Variants in METRNL observed in about 807,000 individuals in gnomAD.
METRNL encodes meteorin-like protein.
A neutral mutation model predicts 17.4 loss-of-function variants in METRNL; 9 were observed. The observed-to-expected ratio is 0.52, with a 90% CI of 0.31 to 0.90. METRNL has a LOEUF of 0.90. Ranked by LOEUF, METRNL falls within the 40% of genes least tolerant of loss-of-function variation. The pLI, the probability that METRNL is intolerant of heterozygous loss-of-function variation, is 0.05. For synonymous variants in METRNL, 215 were observed against 199.3 expected, an observed-to-expected ratio of 1.08 and a Z score of -0.66; for missense variants, 408 against 430.7, an observed-to-expected ratio of 0.95 and a Z score of 0.47.
chr17:83,079,890 C>A lies in METRNL; in HGVS notation c.75C>A (p.Pro25=). Residue 25 remains proline, a synonymous_variant, in exon 1 of 4, where the codon CCC becomes CCA. Transcript: ENST00000320095. ...PWPRPPAPGP[P]PPPLPLLLLL... ...CGCGACCCCCCGCCCCGGGCCCGCC[C>A]CCGCCGCCGCTCCCGCTGCTGCTCC... The A allele has an allele frequency of 1.0e-6, 1 of 986,758 alleles. No homozygotes were observed. Among genetic ancestry groups the A allele is most frequent in the South Asian group, 4.5e-5 (1 of 22,112 alleles). The allele number at this position is 986,758 out of a possible 1,614,324, so 61.1% of individuals were successfully genotyped here.
chr17:83,079,653 C>G lies in METRNL; in HGVS notation c.-163C>G, dbSNP rs2037957251. 2 of 165,422 alleles carry G rather than the reference C, an allele frequency of 1.2e-5. No homozygotes were observed. The highest frequency in any genetic ancestry group is 2.4e-5 in the Non-Finnish European group (2 of 83,398). The allele number at this position is 165,422 out of a possible 1,614,324, so 10.2% of individuals were successfully genotyped here. A position where few individuals can be genotyped will look rare whatever the true frequency, so the allele number is the denominator to read the frequency against. On this transcript the variant is annotated 5_prime_UTR_variant, in exon 1 of 4. Transcript: ENST00000320095. ...CGGGCGCGGAGCTCTGCGCGCGGCT[C>G]CAGCGGGCCGGGATGGGCGGGCGGC...
rs945748954 is a variant in METRNL at position 83,091,488 on chromosome 17, C to T, written c.557-1679C>T. On this transcript the variant is annotated intron_variant, in intron 2 of 3. Transcript: ENST00000320095. Reference sequence around the variant, plus strand: ...CCAGGGTCTCCGTTGACCACATGTGCAGGCCCTGAGGGTCCATGTAAGTTC... The same window carrying T: ...CCAGGGTCTCCGTTGACCACATGTGTAGGCCCTGAGGGTCCATGTAAGTTC... 3.3e-5 allele frequency among the ~76,000 whole-genome samples: 5 copies of T among 152,360 alleles called. No individual in the cohort carries two copies. The South Asian group carries it at 8.3e-4, about 25-fold the overall frequency.
At chr17:83,087,113 T>C (rs2038061524) in intron 2 of METRNL, among the ~76,000 whole-genome samples, 1 of 152,140 alleles carries the variant, frequency 6.6e-6, no homozygotes, top group Non-Finnish European at 1.5e-5. Flanking sequence ...TCACCCTCCG[T>C]GTGCCTCCTG....
At position 83,084,950 on chromosome 17, in the gene METRNL, C is replaced by G; in HGVS notation, c.183C>G (p.His61Gln). Residue 61 changes from histidine (H) to glutamine (Q), a missense_variant, in exon 2 of 4, where the codon CAC becomes CAG. By Grantham distance (24) the His-to-Gln change is conservative (BLOSUM62 0). Transcript: ENST00000320095. ...RCSWKGSGLTHEAHRKEVEQV... is the reference protein window; with the variant it reads ...RCSWKGSGLTQEAHRKEVEQV... Reference sequence around the variant, plus strand: ...CTCTCCTCTGCAGCGGGCTGACGCACGAGGCACACAGGAAGGAGGTGGAGC... The same window carrying G: ...CTCTCCTCTGCAGCGGGCTGACGCAGGAGGCACACAGGAAGGAGGTGGAGC... The G allele has an allele frequency of 2.5e-6, 4 of 1,611,230 alleles. No homozygotes were observed. Among genetic ancestry groups the G allele is most frequent in the Middle Eastern group, 1.7e-4 (1 of 6,048 alleles).
rs376323617 is a variant in METRNL, at chr17:83,094,323, C to T, written c.684C>T (p.Arg228=). The change falls in exon 4 of 4, where the codon CGC becomes CGT. Residue 228 remains arginine, a synonymous_variant. Transcript: ENST00000320095. ...PERQDSAIHL[R]VSRLYRQKSR... is the part of the protein sequence containing the mutation. ...GGCAGGACTCAGCCATCCACCTGCG[C>T]GTGAGCAGACTCTATCGGCAGAAAA... The T allele has an allele frequency of 4.9e-5, 79 of 1,608,012 alleles. No homozygotes were observed. The highest frequency in any genetic ancestry group is 1.1e-4 in the African/African-American group (8 of 74,872).
chr17:83,093,016 A>T, intron 2 of METRNL, 151 bp from the exon 3 acceptor site: 4 of 640,970 alleles, frequency 6.2e-6, no homozygotes, highest in South Asian at 3.6e-5. Flanking sequence ...GCCAACTCAC[A>T]TTTGAAGTGG....
intron 1 of METRNL, among the ~76,000 whole-genome samples, chr17:83,082,448 G>A (rs1214609557): frequency 6.6e-6 from 1 of 152,202 alleles, no homozygotes; most frequent in Non-Finnish European, 1.5e-5. Context: ...ATGTCCACCT[G>A]GGTGGTAACC....
Position 83,080,101 on chromosome 17 carries a change from G to A in METRNL, c.170+116G>A, listed in dbSNP as rs1374100920. On this transcript the variant is annotated intron_variant, in intron 1 of 3. Transcript: ENST00000320095. ...GGGCGGGCGCGGGGCAGGGGCTCCGGGGGCCGCTCTCCAGGCCCAGTCCGG... is the reference window on the plus strand; with the variant it reads ...GGGCGGGCGCGGGGCAGGGGCTCCGAGGGCCGCTCTCCAGGCCCAGTCCGG... 1.7e-5 allele frequency: 8 copies of A among 480,968 alleles called. No homozygotes were observed. In the African/African-American group the frequency reaches 1.7e-4, roughly 10 times the overall value. The allele number at this position is 480,968 out of a possible 1,614,324, so 29.8% of individuals were successfully genotyped here. A position where few individuals can be genotyped will look rare whatever the true frequency, so the allele number is the denominator to read the frequency against.
At chr17:83,091,985 G>A (rs1441205624) in intron 2 of METRNL, among the ~76,000 whole-genome samples, 4 of 152,204 alleles carry the variant, frequency 2.6e-5, no homozygotes, top group Non-Finnish European at 5.9e-5. Context: ...ACAGTGGCCC[G>A]CCCATCTAAG....
intron 3 of METRNL, 130 bp from the exon 4 acceptor site, chr17:83,094,126 G>A (rs528823569): frequency 4.5e-5 from 32 of 706,394 alleles, no homozygotes; most frequent in East Asian, 8.9e-5. Context: ...GAATTTCCAC[G>A]CTAGATGGCA....
In METRNL at chr17:83,080,028, G is replaced by GCGTCCCCTCC. The variant is rs888847845; in HGVS notation, c.170+50_170+59dup. ...GACCCCGGCCCGGCCCCCTCCCCTC[G>GCGTCCCCTCC]CGTCCCCTCCCGTCCCGGGCCGGCC... On this transcript the variant is annotated intron_variant, in intron 1 of 3. Coordinates refer to ENST00000320095, the MANE Select transcript of METRNL (RefSeq NM_001004431.3). 4 of 1,000,482 alleles carry GCGTCCCCTCC rather than the reference G, an allele frequency of 4.0e-6. No individual in the cohort carries two copies. The African/African-American group carries it at 7.0e-5, about 18-fold the overall frequency. 62.0% of individuals were successfully genotyped at this position (1,000,482 alleles called of 1,614,324 possible).
chr17:83,090,983 G>C (rs138638574), intron 2 of METRNL, among the ~76,000 whole-genome samples: 14,838 of 152,214 alleles, frequency 0.097, 811 homozygotes, highest in Middle Eastern at 0.17. Context: ...AGTGTCAAGG[G>C]TGGGCCACAC....
intron 1 of METRNL, among the ~76,000 whole-genome samples, chr17:83,081,561 C>T (rs2037988964): frequency 6.6e-6 from 1 of 152,168 alleles, no homozygotes; most frequent in East Asian, 1.9e-4. Flanking sequence ...AGCAGCGGGA[C>T]AGGAGTGCTT....
chr17:83,088,960 G>C (rs1048721940), intron 2 of METRNL, among the ~76,000 whole-genome samples: 1 of 152,074 alleles, frequency 6.6e-6, no homozygotes, highest in Admixed American at 6.5e-5. Flanking sequence ...CCTTCTCTCC[G>C]GCCACTGTAA....
Position 83,094,632 on chromosome 17 carries a change from C to A in METRNL, c.*57C>A. ...GAGTCACAGGCTGCGGTGGGCGCTGCGGTCCTGGTGGGGCCGTGCGGTGAG... is the reference window on the plus strand; with the variant it reads ...GAGTCACAGGCTGCGGTGGGCGCTGAGGTCCTGGTGGGGCCGTGCGGTGAG... On this transcript the variant is annotated 3_prime_UTR_variant, in exon 4 of 4. Transcript: ENST00000320095. The A allele has an allele frequency of 7.3e-7, 1 of 1,368,312 alleles. No individual in the cohort carries two copies. The highest frequency in any genetic ancestry group is 9.5e-7 in the Non-Finnish European group (1 of 1,050,150). 84.8% of individuals were successfully genotyped at this position (1,368,312 alleles called of 1,614,324 possible).
At position 83,079,841 on chromosome 17, in the gene METRNL, G is replaced by C. The variant is rs1468069188; in HGVS notation, c.26G>C (p.Trp9Ser). ...ATGCGGGGCGCGGCGCGGGCGGCCT[G>C]GGGGCGCGCGGGGCAGCCGTGGCCG... Reference protein sequence around the residue: MRGAARAAWGRAGQPWPRP... With the variant: MRGAARAASGRAGQPWPRP... The change falls in exon 1 of 4, where the codon TGG (tryptophan) becomes TCG (serine). Residue 9 changes from tryptophan to serine, a missense_variant. Coordinates refer to ENST00000320095, the MANE Select transcript of METRNL (RefSeq NM_001004431.3). The C allele has an allele frequency of 3.1e-6, 3 of 975,060 alleles. No homozygotes were observed. Among genetic ancestry groups the C allele is most frequent in the Non-Finnish European group, 3.6e-6 (3 of 823,852 alleles). 60.4% of individuals were successfully genotyped at this position (975,060 alleles called of 1,614,324 possible).
chr17:83,085,349 C>T (rs978427467), intron 2 of METRNL, 26 bp downstream of exon 2: 11 of 1,509,294 alleles, frequency 7.3e-6, no homozygotes, highest in Middle Eastern at 2.0e-4. Flanking sequence ...GGGGCGGGGG[C>T]GGCGGGCCTC....
intron 1 of METRNL, chr17:83,084,565 C>G (rs1406428459): frequency 4.1e-6 from 1 of 242,444 alleles, no homozygotes; most frequent in Non-Finnish European, 7.9e-6. Flanking sequence ...TCCAGCCACC[C>G]TGATTCAGGG....
intron 2 of METRNL, 34 bp downstream of exon 2, chr17:83,085,357 C>G: frequency 6.6e-7 from 1 of 1,511,128 alleles, no homozygotes; most frequent in Non-Finnish European, 8.8e-7. Context: ...GGCGGCGGGC[C>G]TCGTCATCAC....
Sources: allele counts gnomAD v4.1 joint callset (sites outside exome capture counted in the v4.1 genomes callset), GRCh38; gene constraint gnomAD v4.1.1; transcripts MANE v1.5; gene names NCBI Gene and HGNC (gene_info 2026-07-23, HGNC 2026-07-21).